MACF1: variants seen among roughly 807,000 people sequenced by gnomAD.
MACF1 encodes the protein microtubule-actin cross-linking factor 1.
MACF1 carries 193 observed loss-of-function variants against 854.8 expected under a neutral mutation model. That is an observed-to-expected ratio of 0.23 (90% CI 0.20 to 0.25). The LOEUF is 0.25. Among genes scored for constraint, MACF1 ranks in the 10% least tolerant of loss-of-function variants. The probability of loss-of-function intolerance (pLI) is 1.00; values close to 1 mark genes in which losing one functional copy is unlikely to be tolerated. For synonymous variants in MACF1, 3,185 were observed against 3,226.7 expected, an observed-to-expected ratio of 0.99 and a Z score of 0.44; for missense variants, 7,722 against 8,929.1, an observed-to-expected ratio of 0.86 and a Z score of 5.45.
At position 39,150,472 on chromosome 1, in the gene MACF1, A is replaced by C. The variant is rs143269993; in HGVS notation, c.220+66034A>C. 1.2e-3 allele frequency among the ~76,000 whole-genome samples: 188 copies of C among 152,336 alleles called. 1 individual carries two copies. The highest frequency in any genetic ancestry group is 4.5e-3 in the African/African-American group (186 of 41,564). On this transcript the variant is annotated intron_variant, in intron 2 of 93. Transcript: ENST00000361689. ...CTACACCTAATACCTACTAAATGTTAACATTATTTTATGTGCATTTTCCTC... is the reference window on the plus strand; with the variant it reads ...CTACACCTAATACCTACTAAATGTTCACATTATTTTATGTGCATTTTCCTC...
intron 36 of MACF1, 114 bp from the exon 37 acceptor site, chr1:39,331,089 A>G (rs962893832): frequency 1.1e-5 from 16 of 1,395,430 alleles, no homozygotes; most frequent in Middle Eastern, 2.6e-4. Context: ...CCTGGCCTGT[A>G]TACTATAGTT....
At chr1:39,295,648 A>G (rs1645884461) in intron 19 of MACF1, 139 bp from the exon 20 acceptor site, 2 of 630,724 alleles carry the variant, frequency 3.2e-6, no homozygotes, top group South Asian at 2.1e-5. Flanking sequence ...AGCATTGAGC[A>G]GATGCCAGTC....
intron 2 of MACF1, among the ~76,000 whole-genome samples, chr1:39,096,788 A>G (rs1641948722): frequency 6.6e-6 from 1 of 151,712 alleles, no homozygotes; most frequent in African/African-American, 2.4e-5. Context: ...AGTAGTAAAT[A>G]TACCAGTTTA....
At chr1:39,277,252 T>C (rs372943781) in intron 6 of MACF1, among the ~76,000 whole-genome samples, 2 of 152,034 alleles carry the variant, frequency 1.3e-5, no homozygotes, top group Non-Finnish European at 2.9e-5. Context: ...AGTGCTGTTA[T>C]TAACTTTAAA....
In MACF1 at chr1:39,372,564, A is replaced by C; in HGVS notation, c.13181A>C (p.Glu4394Ala). The C allele has an allele frequency of 6.2e-7, 1 of 1,613,370 alleles. No homozygotes were observed. The highest frequency in any genetic ancestry group is 2.2e-5 in the East Asian group (1 of 44,850). The change falls in exon 52 of 101, where the codon GAA (glutamate) becomes GCA (alanine). Residue 4394 changes from glutamate to alanine, a missense_variant. Glu to Ala is a moderately radical substitution (Grantham distance 107). This residue lies in a region of MACF1 where 2,807 missense variants were observed against 3,235.8 expected (regional missense o/e 0.87). Transcript: ENST00000564288. ...ACTTCTTTAGAAAATCTCATCATGGAAATCACAGCACCTGATTCCCAAGGC... is the reference window on the plus strand; with the variant it reads ...ACTTCTTTAGAAAATCTCATCATGGCAATCACAGCACCTGATTCCCAAGGC... ...KGTSLENLIM[E>A]ITAPDSQGKT... is the part of the protein sequence containing the mutation.
In MACF1 at chr1:39,448,128, T is replaced by G. The variant is rs1411978974; in HGVS notation, c.20064T>G (p.Ile6688Met). The G allele has an allele frequency of 6.2e-7, 1 of 1,613,992 alleles. No individual in the cohort carries two copies. The highest frequency in any genetic ancestry group is 8.5e-7 in the Non-Finnish European group (1 of 1,179,998). ...ELEISNDPDK[I>M]KLQLSKHKEF... is the part of the protein sequence containing the mutation. ...AGATATCCAATGACCCAGACAAAAT[T>G]AAACTTCAGCTTTCTAAGCATAAGG... Residue 6688 changes from isoleucine (I) to methionine (M), a missense_variant, in exon 83 of 101, where the codon ATT becomes ATG. Ile to Met is a conservative substitution (Grantham distance 10). This residue lies in a region of MACF1 where 729 missense variants were observed against 900.5 expected (regional missense o/e 0.81). Coordinates refer to ENST00000564288, the MANE Select transcript of MACF1 (RefSeq NM_001394062.1).
At chr1:39,237,543 A>G (rs1644873208) in intron 2 of MACF1, among the ~76,000 whole-genome samples, 1 of 152,212 alleles carries the variant, frequency 6.6e-6, no homozygotes, top group Non-Finnish European at 1.5e-5. Context: ...CCCTGAAGTA[A>G]GTAAAGGTGT....
chr1:39,186,812 G>T (rs1644179924), intron 2 of MACF1, among the ~76,000 whole-genome samples: 1 of 151,578 alleles, frequency 6.6e-6, no homozygotes, highest in Non-Finnish European at 1.5e-5. Context: ...GTCTTGTTTT[G>T]TTCTCCAGGC....
At chr1:39,330,949 G>A (rs551998246) in intron 36 of MACF1, among the ~76,000 whole-genome samples, 21 of 151,682 alleles carry the variant, frequency 1.4e-4, no homozygotes, top group Non-Finnish European at 2.5e-4. Context: ...TTACAGGTGC[G>A]CACCACACCC....
chr1:39,087,145 T>C (rs1641693103), intron 2 of MACF1, among the ~76,000 whole-genome samples: 1 of 152,224 alleles, frequency 6.6e-6, no homozygotes, highest in African/African-American at 2.4e-5. Context: ...TGGGAGACCC[T>C]GGATGCTCTG....
rs568438959 is a variant in MACF1, at chr1:39,234,357, T to C, written c.171+3114T>C. The stretch of plus-strand genomic sequence containing the variant: ...GGCAGAGGGGCTCCTCACTTCCCAG[T>C]AGGGGCGGCCGGGCAGAGGCGCCCC... On this transcript the variant is annotated intron_variant, in intron 2 of 100. Coordinates refer to ENST00000564288, the MANE Select transcript of MACF1 (RefSeq NM_001394062.1). Among the ~76,000 whole-genome samples, 21 of 150,684 alleles carry C rather than the reference T, an allele frequency of 1.4e-4. No homozygotes were observed. In the South Asian group the frequency reaches 3.8e-3, roughly 27 times the overall value.
chr1:39,279,866 T>C (rs1039054432), intron 6 of MACF1, among the ~76,000 whole-genome samples: 4 of 152,166 alleles, frequency 2.6e-5, no homozygotes, highest in African/African-American at 4.8e-5. Context: ...TTAACAAGGA[T>C]TGTTTTTATA....
In MACF1 at chr1:39,251,886, C is replaced by G. The variant is rs1645043518; in HGVS notation, c.302C>G (p.Pro101Arg). ...GLKTLRLVSM[P>R]SWCHTNNEEQ... ...AAGACCCTCCGTCTGGTGAGCATGC[C>G]CTCCTGGTGCCATACAAACAACGAG... is the stretch of plus-strand genomic sequence containing the variant. The change falls in exon 4 of 101, where the codon CCC becomes CGC. Residue 101 changes from proline to arginine, a missense_variant. Coordinates refer to ENST00000564288, the MANE Select transcript of MACF1 (RefSeq NM_001394062.1). 2.0e-6 allele frequency: 3 copies of G among 1,514,950 alleles called. No individual in the cohort carries two copies. Among genetic ancestry groups the G allele is most frequent in the Non-Finnish European group, 2.6e-6 (3 of 1,136,528 alleles). The allele number at this position is 1,514,950 out of a possible 1,614,324, so 93.8% of individuals were successfully genotyped here.
intron 40 of MACF1, among the ~76,000 whole-genome samples, chr1:39,344,489 A>T (rs1044991929): frequency 1.4e-4 from 21 of 151,728 alleles, no homozygotes; most frequent in Non-Finnish European, 2.8e-4. Flanking sequence ...CACTTGGAAG[A>T]GGGCCAAACG....
chr1:39,109,257 T>C (rs1217995369), intron 2 of MACF1, among the ~76,000 whole-genome samples: 1 of 152,120 alleles, frequency 6.6e-6, no homozygotes, highest in East Asian at 1.9e-4. Flanking sequence ...TGTCCTTTAA[T>C]GTTCCATTTT....
chr1:39,209,172 ATC>A (rs1644488322), intron 1 of MACF1, among the ~76,000 whole-genome samples: 1 of 151,074 alleles, frequency 6.6e-6, no homozygotes, highest in South Asian at 2.1e-4. Context: ...GTGAGCCGAG[ATC>A]TCACCATTCC....
rs749975440 is a variant in MACF1, at chr1:39,387,982, A to G, written c.15140A>G (p.Lys5047Arg). ...DALGSQACSN[K>R]NLEKLRAQQE... Reference sequence around the variant, plus strand: ...CTGGGTTCTCAAGCCTGTAGCAACAAGAACCTGGAGAAGCTAAGAGCTCAA... The same window carrying G: ...CTGGGTTCTCAAGCCTGTAGCAACAGGAACCTGGAGAAGCTAAGAGCTCAA... The change falls in exon 58 of 101, where the codon AAG becomes AGG. Residue 5047 changes from lysine (K) to arginine (R), a missense_variant. Around this residue, in one of 15 missense-constraint regions of MACF1, gnomAD observed 2,807 missense variants for 3,235.8 expected, o/e 0.87. Coordinates refer to ENST00000564288, the MANE Select transcript of MACF1 (RefSeq NM_001394062.1). The G allele has an allele frequency of 1.2e-6, 2 of 1,614,150 alleles. No individual in the cohort carries two copies. The highest frequency in any genetic ancestry group is 8.5e-7 in the Non-Finnish European group (1 of 1,180,036).
intron 40 of MACF1, among the ~76,000 whole-genome samples, chr1:39,343,079 G>A (rs1646971478): frequency 6.6e-6 from 1 of 151,996 alleles, no homozygotes; most frequent in Admixed American, 6.6e-5. Flanking sequence ...CAGATTAATT[G>A]ATTCTTTTTA....
intron 1 of MACF1, among the ~76,000 whole-genome samples, chr1:39,223,879 G>C (rs1275779756): frequency 1.3e-5 from 2 of 152,136 alleles, no homozygotes; most frequent in Non-Finnish European, 2.9e-5. Flanking sequence ...TAAGTTACAA[G>C]ATTAACCTTG....
Sources: allele counts gnomAD v4.1 joint callset (sites outside exome capture counted in the v4.1 genomes callset), GRCh38; gene constraint gnomAD v4.1.1; regional missense constraint gnomAD v4.1.1; transcripts MANE v1.5; gene names NCBI Gene and HGNC (gene_info 2026-07-23, HGNC 2026-07-21).